The following CNTNAP3 variants were observed in gnomAD, a reference collection of about 807,000 sequenced individuals.
CNTNAP3 encodes the protein contactin associated protein family member 3.
A neutral mutation model predicts 92.1 loss-of-function variants in CNTNAP3; 36 were observed. The ratio of observed to expected loss-of-function variants is 0.39; its 90% confidence interval spans 0.30 to 0.52. The LOEUF (loss-of-function observed/expected upper bound fraction) is 0.52, where lower values mean the gene tolerates loss of function less well. Ranked by LOEUF, CNTNAP3 falls within the 20% of genes least tolerant of loss-of-function variation. The pLI, the probability that CNTNAP3 is intolerant of heterozygous loss-of-function variation, is 0.76. For missense variants in CNTNAP3, 534 were observed against 1,069.6 expected (o/e 0.50, Z 6.98); for synonymous variants, 232 against 422.3 (o/e 0.55, Z 5.53).
intron 23 of CNTNAP3, among the ~76,000 whole-genome samples, chr9:39,075,173 GATT>G (rs1316563444): frequency 6.6e-6 from 1 of 151,930 alleles, no homozygotes; most frequent in Non-Finnish European, 1.5e-5. Flanking sequence ...CTGGAATGTG[GATT>G]ATTTGAAAGA....
chr9:39,179,339 A>ACACACACACACACACACG (rs1822407265), intron 4 of CNTNAP3, among the ~76,000 whole-genome samples: 1 of 110,706 alleles, frequency 9.0e-6, no homozygotes, highest in East Asian at 2.5e-4. Flanking sequence ...ACACACACAC[A>ACACACACACACACACACG]CAGGCACACA....
chr9:39,118,359 G>C, intron 13 of CNTNAP3, 100 bp from the exon 14 acceptor site: 2 of 1,490,466 alleles, frequency 1.3e-6, no homozygotes, highest in South Asian at 1.2e-5. Context: ...GTATGTGTGA[G>C]AGACAGAGAG....
intron 8 of CNTNAP3, among the ~76,000 whole-genome samples, chr9:39,168,393 G>A (rs1183516389): frequency 7.4e-6 from 1 of 135,744 alleles, no homozygotes; most frequent in Non-Finnish European, 1.6e-5. Context: ...CCATAGACAT[G>A]CAAATGAATT....
At chr9:39,138,435 G>T (rs976041835) in intron 12 of CNTNAP3, among the ~76,000 whole-genome samples, 1 of 152,134 alleles carries the variant, frequency 6.6e-6, no homozygotes, top group African/African-American at 2.4e-5. Flanking sequence ...CTCCAGGCAG[G>T]TTAGGCTCTG....
At chr9:39,098,832 A>G (rs1239020399) in intron 18 of CNTNAP3, among the ~76,000 whole-genome samples, 2 of 152,182 alleles carry the variant, frequency 1.3e-5, no homozygotes, top group Non-Finnish European at 2.9e-5. Flanking sequence ...AGTAAGTGTA[A>G]CAGCCCAGAG....
At chr9:39,142,489 G>C (rs1241048338) in intron 11 of CNTNAP3, among the ~76,000 whole-genome samples, 1 of 151,994 alleles carries the variant, frequency 6.6e-6, no homozygotes, top group East Asian at 1.9e-4. Flanking sequence ...CGGCTAACAT[G>C]GCAAAACCCC....
At chr9:39,106,182 T>C (rs995747778) in intron 15 of CNTNAP3, among the ~76,000 whole-genome samples, 1 of 152,164 alleles carries the variant, frequency 6.6e-6, no homozygotes, top group Admixed American at 6.5e-5. Context: ...ATAAGTGTTA[T>C]GTTAAAGAAA....
chr9:39,105,317 C>G lies in CNTNAP3; in HGVS notation c.2366-1403G>C, dbSNP rs143773510. 9.3e-3 allele frequency among the ~76,000 whole-genome samples: 1,410 copies of G among 151,922 alleles called. 19 individuals are homozygous for G. Among genetic ancestry groups the G allele is most frequent in the African/African-American group, 0.032 (1,306 of 41,268 alleles). On this transcript the variant is annotated intron_variant, in intron 15 of 23. Coordinates refer to ENST00000297668, the MANE Select transcript of CNTNAP3 (RefSeq NM_033655.5). ...TGGTGGGTGCCTGTAGTCCCAGCTA[C>G]TCGGGAGGCTGAGGCAGGAGAATGG...
intron 18 of CNTNAP3, among the ~76,000 whole-genome samples, chr9:39,098,879 T>A (rs2315475): frequency 6.6e-6 from 1 of 152,080 alleles, no homozygotes; most frequent in Admixed American, 6.6e-5. Context: ...GCTCTGATGA[T>A]TCAATATTGT....
intron 13 of CNTNAP3, among the ~76,000 whole-genome samples, chr9:39,124,598 T>C (rs1250018684): frequency 1.3e-5 from 2 of 152,172 alleles, no homozygotes; most frequent in African/African-American, 4.8e-5. Flanking sequence ...GAGAAAATTT[T>C]TGAAATCTAC....
At chr9:39,136,418 C>G (rs1384324779) in intron 12 of CNTNAP3, among the ~76,000 whole-genome samples, 1 of 152,058 alleles carries the variant, frequency 6.6e-6, no homozygotes, top group Non-Finnish European at 1.5e-5. Flanking sequence ...CTGACCCTTT[C>G]ATTTGTCTGA....
At chr9:39,140,443 T>C (rs1821547879) in intron 12 of CNTNAP3, 76 bp downstream of exon 12, 6 of 1,575,960 alleles carry the variant, frequency 3.8e-6, no homozygotes, top group East Asian at 2.3e-5. Context: ...AAACTGCATG[T>C]TTTAATAATG....
At chr9:39,147,741 G>A (rs1458906227) in intron 10 of CNTNAP3, among the ~76,000 whole-genome samples, 1 of 152,154 alleles carries the variant, frequency 6.6e-6, no homozygotes, top group Non-Finnish European at 1.5e-5. Context: ...AGGCACCAAT[G>A]TAACTCTTGG....
chr9:39,069,554 T>A lies in CNTNAP3; in HGVS notation c.*4336A>T, dbSNP rs1413535408. ...ATAATGGCACAATAAAATGCAAAAA[T>A]ATAATTTTAGGTCATAACCTATAGG... On this transcript the variant is annotated 3_prime_UTR_variant, in exon 24 of 24. Coordinates refer to ENST00000297668, the MANE Select transcript of CNTNAP3 (RefSeq NM_033655.5). Among the ~76,000 whole-genome samples the A allele has an allele frequency of 6.7e-6, 1 of 150,032 alleles. No individual in the cohort carries two copies.
chr9:39,108,317 T>A (rs1564075180), intron 15 of CNTNAP3, among the ~76,000 whole-genome samples: 1 of 151,824 alleles, frequency 6.6e-6, no homozygotes, highest in African/African-American at 2.4e-5. Flanking sequence ...AGTGATGTTG[T>A]GTTCTCTTTG....
intron 17 of CNTNAP3, among the ~76,000 whole-genome samples, 179 bp downstream of exon 17, chr9:39,102,318 G>A (rs1182149653): frequency 1.3e-5 from 2 of 151,378 alleles, no homozygotes; most frequent in Non-Finnish European, 2.9e-5. Flanking sequence ...AACAAAAAAA[G>A]AAATGTCAAA....
intron 3 of CNTNAP3, among the ~76,000 whole-genome samples, chr9:39,194,639 C>A (rs1276642568): frequency 1.5e-3 from 1 of 688 alleles, no homozygotes; most frequent in African/African-American, 1.5e-3. Context: ...CAATGGGTGT[C>A]CCTGGGTATA....
chr9:39,114,009 T>TACAC (rs762455359), intron 14 of CNTNAP3, among the ~76,000 whole-genome samples: 4 of 142,644 alleles, frequency 2.8e-5, no homozygotes, highest in African/African-American at 2.9e-5. Context: ...CACATATATA[T>TACAC]ACACACATAT....
intron 18 of CNTNAP3, among the ~76,000 whole-genome samples, chr9:39,098,697 G>T (rs1047327356): frequency 6.6e-6 from 1 of 152,046 alleles, no homozygotes; most frequent in African/African-American, 2.4e-5. Context: ...AGATCTTCAG[G>T]AATGATAAAA....
Sources: gnomAD v4.1 joint callset for allele counts (sites outside exome capture counted in the v4.1 genomes callset) on GRCh38, gnomAD v4.1.1 for gene constraint, MANE v1.5 for transcripts, NCBI Gene and HGNC (gene_info 2026-07-23, HGNC 2026-07-21) for gene names.